The following SMARCA2 variants were observed in gnomAD, a reference collection of about 807,000 sequenced individuals.
SMARCA2 encodes the protein SWI/SNF-related matrix-associated actin-dependent regulator of chromatin subfamily A member 2.
Under a neutral mutation model 199.8 loss-of-function variants are expected in SMARCA2, and 61 were observed. The observed-to-expected ratio is 0.31, with a 90% CI of 0.25 to 0.38. The LOEUF is 0.38. Ranked by LOEUF, SMARCA2 falls within the 10% of genes least tolerant of loss-of-function variation. The pLI is 1.00. For missense variants in SMARCA2, 1,344 were observed against 2,012.2 expected, an observed-to-expected ratio of 0.67 and a Z score of 6.35; for synonymous variants, 935 against 732.0, an observed-to-expected ratio of 1.28 and a Z score of -4.48.
chr9:2,182,227 C>T lies in SMARCA2; in HGVS notation c.4446C>T (p.Asn1482=). ...MLLCHNAQTF[N]LEGSQIYEDS... is the part of the protein sequence containing the mutation. ...TCTGTCACAACGCTCAGACGTTCAA[C>T]CTGGAGGGATCCCAGGTCTGTCTTG... The change falls in exon 31 of 34, where the codon AAC becomes AAT. Residue 1482 remains asparagine (N), a synonymous_variant. Transcript: ENST00000349721. 6.2e-7 allele frequency: 1 copy of T among 1,610,736 alleles called. No homozygotes were observed. Among genetic ancestry groups the T allele is most frequent in the Non-Finnish European group, 8.5e-7 (1 of 1,176,968 alleles).
rs905703462 is a variant in SMARCA2, at chr9:2,017,806, A to T, written c.-37+2402A>T. 1 of 152,076 alleles carries T rather than the reference A, an allele frequency of 6.6e-6. No individual in the cohort carries two copies. Among genetic ancestry groups the T allele is most frequent in the Non-Finnish European group, 1.5e-5 (1 of 68,044 alleles). The allele number at this position is 152,076 out of a possible 1,614,324, so 9.4% of individuals were successfully genotyped here. On this transcript the variant is annotated intron_variant, in intron 1 of 33. Coordinates refer to ENST00000349721, the MANE Select transcript of SMARCA2 (RefSeq NM_003070.5). This position sits in a 1 kb window ranked among gnomAD's most constrained non-coding sequence, Gnocchi z 8.8. ...TTTGTTCCGCGTCCTCCAGGTAAGG[A>T]GCCTGCGCAGCCCTGCCGCCGGCTG... is the stretch of plus-strand genomic sequence containing the variant.
chr9:2,039,764 A>ACAGCAGCAGCAACAGCAGCAG lies in SMARCA2; in HGVS notation c.666_686dup (p.Gln232_Gln238dup). Reference sequence around the variant, plus strand: ...GGACGTTGCCTGGCTTGCAGCAACAACAGCAGCAGCAACAGCAGCAGCAGC... The same window carrying ACAGCAGCAGCAACAGCAGCAG: ...GGACGTTGCCTGGCTTGCAGCAACAACAGCAGCAGCAACAGCAGCAGCAGCAGCAGCAACAGCAGCAGCAGC... On this transcript the variant is annotated inframe_insertion, in exon 4 of 34. Transcript: ENST00000349721. The surrounding 1 kb of genome is among the most constrained non-coding windows in gnomAD (Gnocchi z 4.8). 2.5e-6 allele frequency: 4 copies of ACAGCAGCAGCAACAGCAGCAG among 1,610,414 alleles called. No individual in the cohort carries two copies. Among genetic ancestry groups the ACAGCAGCAGCAACAGCAGCAG allele is most frequent in the African/African-American group, 2.7e-5 (2 of 73,874 alleles).
intron 18 of SMARCA2, 199 bp downstream of exon 18, chr9:2,087,270 T>C (rs1586691085): frequency 1.6e-6 from 1 of 616,496 alleles, no homozygotes; most frequent in East Asian, 2.9e-5. Context: ...TAGTGGTACA[T>C]GGGGCATCTA....
rs764881689 is a variant in SMARCA2, at chr9:2,170,391, C to G, written c.4200-28C>G. 6.8e-6 allele frequency: 11 copies of G among 1,613,764 alleles called. No homozygotes were observed. The highest frequency in any genetic ancestry group is 1.7e-5 in the Admixed American group (1 of 59,994). ...GGGGACGAGAACCCAGGTCTTCTGA[C>G]TCTAGTGTTCTTTCTACTCTACCGC... On this transcript the variant is annotated intron_variant, in intron 28 of 33. Transcript: ENST00000349721. This position sits in a 1 kb window ranked among gnomAD's most constrained non-coding sequence, Gnocchi z 4.7.
chr9:2,070,491 T>G lies in SMARCA2; in HGVS notation c.1746+20T>G. ...GGAGAGGTAAGGGATCGTCATCCTT[T>G]CCACTGTGTTCTGCTGAATGGAGTC... is the stretch of plus-strand genomic sequence containing the variant. On this transcript the variant is annotated intron_variant, in intron 10 of 33. Coordinates refer to ENST00000349721, the MANE Select transcript of SMARCA2 (RefSeq NM_003070.5). The G allele has an allele frequency of 1.3e-6, 2 of 1,594,706 alleles. No individual in the cohort carries two copies. Among genetic ancestry groups the G allele is most frequent in the Non-Finnish European group, 1.7e-6 (2 of 1,162,628 alleles).
chr9:2,188,019 ACGTTTT>A (rs1161651226), intron 32 of SMARCA2, among the ~76,000 whole-genome samples: 4 of 152,182 alleles, frequency 2.6e-5, no homozygotes, highest in Non-Finnish European at 5.9e-5. Flanking sequence ...ATAGAATTAC[ACGTTTT>A]TTTACCTTTT....
At chr9:2,151,404 G>C (rs935509939) in intron 27 of SMARCA2, among the ~76,000 whole-genome samples, 3 of 151,574 alleles carry the variant, frequency 2.0e-5, no homozygotes, top group African/African-American at 7.3e-5. Context: ...AACGAAGACA[G>C]TACAAGACCC....
chr9:2,116,693 G>A (rs980623890), intron 25 of SMARCA2, among the ~76,000 whole-genome samples: 1 of 152,172 alleles, frequency 6.6e-6, no homozygotes, highest in African/African-American at 2.4e-5. Flanking sequence ...GTTGTCATTT[G>A]TATTATTTTT....
At chr9:2,076,534 C>CCTTCCCTTT (rs1821331487) in intron 13 of SMARCA2, among the ~76,000 whole-genome samples, 2 of 151,704 alleles carry the variant, frequency 1.3e-5, no homozygotes, top group African/African-American at 4.8e-5. Context: ...TCCCTTCCTT[C>CCTTCCCTTT]CTTCCCTTTC....
chr9:2,108,459 G>T (rs1291281763), intron 23 of SMARCA2, among the ~76,000 whole-genome samples: 2 of 152,184 alleles, frequency 1.3e-5, no homozygotes, highest in Non-Finnish European at 2.9e-5. Context: ...TAATCCGTGT[G>T]ATTATCAGCT....
intron 1 of SMARCA2, among the ~76,000 whole-genome samples, chr9:2,028,408 T>C (rs1008824557): frequency 2.0e-5 from 3 of 152,248 alleles, no homozygotes; most frequent in Non-Finnish European, 4.4e-5. Flanking sequence ...AGTAATTACA[T>C]ATATGAGTAT....
At position 2,170,642 on chromosome 9, in the gene SMARCA2, G is replaced by A. The variant is rs573859040; in HGVS notation, c.4253+170G>A. On this transcript the variant is annotated intron_variant, in intron 29 of 33. Coordinates refer to ENST00000349721, the MANE Select transcript of SMARCA2 (RefSeq NM_003070.5). The surrounding 1 kb of genome is among the most constrained non-coding windows in gnomAD (Gnocchi z 4.7). ...ACAGATACTCTTAAACAGCTGTCAT[G>A]GCTTCTGAAGTTGTTGGTGCTGTAT... Among the ~76,000 whole-genome samples, 11 of 152,296 alleles carry A rather than the reference G, an allele frequency of 7.2e-5. No individual in the cohort carries two copies. The highest frequency in any genetic ancestry group is 2.6e-4 in the African/African-American group (11 of 41,556).
Position 2,123,569 on chromosome 9 carries a change from G to T in SMARCA2, c.3763-150G>T. 1.4e-6 allele frequency: 1 copy of T among 694,706 alleles called. No individual in the cohort carries two copies. Among genetic ancestry groups the T allele is most frequent in the Non-Finnish European group, 2.6e-6 (1 of 387,518 alleles). 43.0% of individuals were successfully genotyped at this position (694,706 alleles called of 1,614,324 possible). A position where few individuals can be genotyped will look rare whatever the true frequency, so the allele number is the denominator to read the frequency against. The stretch of plus-strand genomic sequence containing the variant: ...AATGGAATCTCTCCCTAGATATTTA[G>T]GGATGAGCTAGAACAAGCCAACCAG... On this transcript the variant is annotated intron_variant, in intron 26 of 33. Transcript: ENST00000349721. This position sits in a 1 kb window ranked among gnomAD's most constrained non-coding sequence, Gnocchi z 4.1.
chr9:2,138,849 G>A (rs1168555698), intron 27 of SMARCA2, among the ~76,000 whole-genome samples: 10 of 152,132 alleles, frequency 6.6e-5, no homozygotes. Flanking sequence ...GCCTTGGCCT[G>A]GCTCCATCTC....
intron 1 of SMARCA2, among the ~76,000 whole-genome samples, chr9:2,021,380 A>G (rs1818593866): frequency 6.6e-6 from 1 of 152,222 alleles, no homozygotes; most frequent in Admixed American, 6.5e-5. Flanking sequence ...CCAAAAAGGA[A>G]CGTCATATGT....
intron 27 of SMARCA2, among the ~76,000 whole-genome samples, chr9:2,130,184 A>ATT (rs1823878412): frequency 6.6e-6 from 1 of 152,160 alleles, no homozygotes; most frequent in Admixed American, 6.5e-5. Flanking sequence ...AATAGGTAGT[A>ATT]ATATATTCAA....
chr9:2,032,657 C>G (rs1819121224), intron 2 of SMARCA2: 1 of 222,870 alleles, frequency 4.5e-6, no homozygotes, highest in Admixed American at 5.7e-5. Context: ...GGAAAAATAG[C>G]CTATATTTGT....
At position 2,126,313 on chromosome 9, in the gene SMARCA2, T is replaced by C. The variant is rs117793596; in HGVS notation, c.3981+2376T>C. ...AAAACAGCTTTATTGTAACGTATCTTTTTGTAATCTAATCTTTTGAAAACT... is the reference window on the plus strand; with the variant it reads ...AAAACAGCTTTATTGTAACGTATCTCTTTGTAATCTAATCTTTTGAAAACT... On this transcript the variant is annotated intron_variant, in intron 27 of 33. Transcript: ENST00000349721. Among the ~76,000 whole-genome samples the C allele has an allele frequency of 1.8e-3, 280 of 152,362 alleles. 9 individuals carry two copies. The East Asian group carries it at 0.05, about 27-fold the overall frequency.
rs957666620 is a variant in SMARCA2, at chr9:2,047,330, C to T, written c.892C>T (p.Pro298Ser). Reference sequence around the variant, plus strand: ...CGCGCCCCCCGCAGCCGCGCAGCCGCCCGCGGCCGCAGTGCCCGGGCCCTC... The same window carrying T: ...CGCGCCCCCCGCAGCCGCGCAGCCGTCCGCGGCCGCAGTGCCCGGGCCCTC... Reference protein sequence around the residue: ...SPAPPAAAQPPAAAVPGPSVP... With the variant: ...SPAPPAAAQPSAAAVPGPSVP... The change falls in exon 5 of 34, where the codon CCC (proline) becomes TCC (serine). Residue 298 changes from proline to serine, a missense_variant. Physicochemically the swap from Pro to Ser is moderately conservative, Grantham distance 74. Transcript: ENST00000349721. 58 of 1,132,564 alleles carry T rather than the reference C, an allele frequency of 5.1e-5. No homozygotes were observed. The highest frequency in any genetic ancestry group is 6.0e-5 in the Non-Finnish European group (55 of 913,722). 70.2% of individuals were successfully genotyped at this position (1,132,564 alleles called of 1,614,324 possible). A position where few individuals can be genotyped will look rare whatever the true frequency, so the allele number is the denominator to read the frequency against.
Sources: allele counts gnomAD v4.1 joint callset (sites outside exome capture counted in the v4.1 genomes callset), GRCh38; gene constraint gnomAD v4.1.1; non-coding constraint Gnocchi (gnomAD v3.1); transcripts MANE v1.5; gene names NCBI Gene and HGNC (gene_info 2026-07-23, HGNC 2026-07-21).